Variants in HCK observed in about 807,000 individuals in gnomAD.
The protein encoded by HCK is HCK proto-oncogene, Src family tyrosine kinase, also known as tyrosine-protein kinase HCK.
A neutral mutation model predicts 70.4 loss-of-function variants in HCK; 40 were observed. That is an observed-to-expected ratio of 0.57 (90% CI 0.44 to 0.74). The LOEUF (loss-of-function observed/expected upper bound fraction) is 0.74. Ranked by LOEUF, HCK falls within the 30% of genes least tolerant of loss-of-function variation. The pLI, the probability that HCK is intolerant of heterozygous loss-of-function variation, is 0.00. For missense variants in HCK, 568 were observed against 697.2 expected (o/e 0.81, Z 2.09); for synonymous variants, 245 against 263.2 (o/e 0.93, Z 0.67).
In HCK at chr20:32,092,344, T is replaced by A. The variant is rs984562152; in HGVS notation, c.1093-1519T>A. Among the ~76,000 whole-genome samples, 3 of 152,196 alleles carry A rather than the reference T, an allele frequency of 2.0e-5. No homozygotes were observed. In the South Asian group the frequency reaches 6.2e-4, roughly 32 times the overall value. On this transcript the variant is annotated intron_variant, in intron 10 of 12. Coordinates refer to ENST00000375852, the MANE Select transcript of HCK (RefSeq NM_002110.5). ...TCTGTAAAACAGAGATTATGATCAT[T>A]CCTGCCTCAAAGAGCTCAAGCCCAG...
In HCK at chr20:32,101,835, A is replaced by C; in HGVS notation, c.*316A>C. On this transcript the variant is annotated 3_prime_UTR_variant, in exon 13 of 13. Transcript: ENST00000375852. Reference sequence around the variant, plus strand: ...AATGAATATTTAAATAAAAGATATAAATGCCAAAGTCTTTACCAAAACGTT... The same window carrying C: ...AATGAATATTTAAATAAAAGATATACATGCCAAAGTCTTTACCAAAACGTT... 1 of 243,862 alleles carries C rather than the reference A, an allele frequency of 4.1e-6. No homozygotes were observed. Among genetic ancestry groups the C allele is most frequent in the Admixed American group, 5.3e-5 (1 of 19,044 alleles). 15.1% of individuals were successfully genotyped at this position (243,862 alleles called of 1,614,324 possible).
In HCK at chr20:32,073,802, ATGG is replaced by A; in HGVS notation, c.318_320del (p.Val107del). ...CCTCAGCTTCCAGAAGGGGGACCAGATGGTGGTCCTAGAGGAGTGAGTCCCCAT... is the reference window on the plus strand; with the variant it reads ...CCTCAGCTTCCAGAAGGGGGACCAGATGGTCCTAGAGGAGTGAGTCCCCAT... On this transcript the variant is annotated inframe_deletion, in exon 4 of 13. Coordinates refer to ENST00000375852, the MANE Select transcript of HCK (RefSeq NM_002110.5). 1 of 1,550,362 alleles carries A rather than the reference ATGG, an allele frequency of 6.5e-7. No homozygotes were observed. Among genetic ancestry groups the A allele is most frequent in the Admixed American group, 1.9e-5 (1 of 51,294 alleles).
At position 32,086,794 on chromosome 20, in the gene HCK, G is replaced by A; in HGVS notation, c.1002G>A (p.Glu334=). 6.3e-7 allele frequency: 1 copy of A among 1,582,120 alleles called. No individual in the cohort carries two copies. The highest frequency in any genetic ancestry group is 8.6e-7 in the Non-Finnish European group (1 of 1,163,544). The change falls in exon 9 of 13, where the codon GAG becomes GAA. Residue 334 remains glutamate, a synonymous_variant. Coordinates refer to ENST00000375852, the MANE Select transcript of HCK (RefSeq NM_002110.5). ...AGGAGCCCATCTACATCATCACGGAGTTCATGGCCAAAGGTGCTGCGTGCT... is the reference window on the plus strand; with the variant it reads ...AGGAGCCCATCTACATCATCACGGAATTCATGGCCAAAGGTGCTGCGTGCT...
intron 4 of HCK, among the ~76,000 whole-genome samples, chr20:32,074,044 C>A (rs60000242): frequency 0.1 from 15,919 of 152,224 alleles, 1,209 homozygotes; most frequent in African/African-American, 0.21. Flanking sequence ...GAACAGGTGA[C>A]GCTTTCTCAG....
At chr20:32,085,133 C>T (rs1373397672) in intron 8 of HCK, among the ~76,000 whole-genome samples, 2 of 152,116 alleles carry the variant, frequency 1.3e-5, no homozygotes, top group African/African-American at 2.4e-5. Context: ...CAAATGGGAG[C>T]GAAGACAACT....
In HCK at chr20:32,059,296, C is replaced by CTT. The variant is rs200298183; in HGVS notation, c.62+6810_62+6811insTT. 1.8e-3 allele frequency among the ~76,000 whole-genome samples: 275 copies of CTT among 149,914 alleles called. 2 individuals are homozygous for CTT. Among genetic ancestry groups the CTT allele is most frequent in the South Asian group, 2.6e-3 (12 of 4,692 alleles). ...TGTTTTAATCTTCCTTCCTTCCTTC[C>CTT]CTCCCTCCCTCCTTTCTTTTCTTTT... On this transcript the variant is annotated intron_variant, in intron 1 of 12. Coordinates refer to ENST00000375852, the MANE Select transcript of HCK (RefSeq NM_002110.5).
chr20:32,096,738 G>A (rs571302078), intron 11 of HCK, among the ~76,000 whole-genome samples: 13 of 152,116 alleles, frequency 8.5e-5, no homozygotes, highest in East Asian at 3.9e-4. Flanking sequence ...CTGGACTTAC[G>A]TGATCCTCCT....
At chr20:32,082,365 G>A (rs2045719593) in intron 6 of HCK, among the ~76,000 whole-genome samples, 1 of 152,138 alleles carries the variant, frequency 6.6e-6, no homozygotes, top group African/African-American at 2.4e-5. Context: ...AAACTGGCCA[G>A]GTGAGGTGAC....
chr20:32,076,586 G>T (rs989533827), intron 5 of HCK, among the ~76,000 whole-genome samples: 20 of 152,240 alleles, frequency 1.3e-4, no homozygotes, highest in African/African-American at 4.8e-4. Context: ...CATGAATGGG[G>T]GGTTATCATT....
At chr20:32,092,547 C>T (rs1404783085) in intron 10 of HCK, among the ~76,000 whole-genome samples, 2 of 152,156 alleles carry the variant, frequency 1.3e-5, no homozygotes, top group Non-Finnish European at 2.9e-5. Flanking sequence ...CACTCAGCAG[C>T]CATGGTGATC....
At chr20:32,099,790 C>T (rs575441212) in intron 12 of HCK, among the ~76,000 whole-genome samples, 9 of 152,272 alleles carry the variant, frequency 5.9e-5, no homozygotes, top group South Asian at 2.1e-4. Flanking sequence ...GATGGTGCAG[C>T]GGCATCCTCA....
intron 1 of HCK, among the ~76,000 whole-genome samples, chr20:32,052,786 G>C (rs569319024): frequency 8.5e-5 from 11 of 129,860 alleles, no homozygotes; most frequent in South Asian, 2.2e-4. Context: ...CCTTCTTGGG[G>C]GGGGGCGGGG....
intron 1 of HCK, among the ~76,000 whole-genome samples, chr20:32,053,743 G>A (rs988315791): frequency 6.6e-6 from 1 of 151,454 alleles, no homozygotes; most frequent in Non-Finnish European, 1.5e-5. Flanking sequence ...CTAGACATAT[G>A]GCCCCGTGTT....
rs6058520 is a variant in HCK at position 32,054,898 on chromosome 20, T to C, written c.62+2412T>C. Reference sequence around the variant, plus strand: ...AGAGGAGCATATTTGCCCCATCTTATCATTAAGTTGTCAAAATCTACCCAG... The same window carrying C: ...AGAGGAGCATATTTGCCCCATCTTACCATTAAGTTGTCAAAATCTACCCAG... On this transcript the variant is annotated intron_variant, in intron 1 of 12. Coordinates refer to ENST00000375852, the MANE Select transcript of HCK (RefSeq NM_002110.5). Among the ~76,000 whole-genome samples, 796 of 152,350 alleles carry C rather than the reference T, an allele frequency of 5.2e-3. 3 individuals are homozygous for C. Among genetic ancestry groups the C allele is most frequent in the African/African-American group, 0.018 (767 of 41,584 alleles).
intron 1 of HCK, among the ~76,000 whole-genome samples, chr20:32,057,943 G>A (rs1249881361): frequency 6.6e-6 from 1 of 152,126 alleles, no homozygotes; most frequent in Non-Finnish European, 1.5e-5. Flanking sequence ...CCCCGGCTGT[G>A]GTCCCACATG....
At chr20:32,059,634 C>T (rs547006020) in intron 1 of HCK, among the ~76,000 whole-genome samples, 1 of 152,150 alleles carries the variant, frequency 6.6e-6, no homozygotes, top group Admixed American at 6.6e-5. Flanking sequence ...CCCACCTCAG[C>T]CTCCTGAGTA....
intron 11 of HCK, among the ~76,000 whole-genome samples, chr20:32,097,585 CATAA>C (rs367698836): frequency 2.6e-5 from 4 of 151,412 alleles, no homozygotes; most frequent in Non-Finnish European, 4.4e-5. Context: ...TGTCTCAAAA[CATAA>C]ATAAATAAAT....
intron 10 of HCK, among the ~76,000 whole-genome samples, chr20:32,093,202 C>T (rs2045887436): frequency 6.6e-6 from 1 of 152,202 alleles, no homozygotes; most frequent in Non-Finnish European, 1.5e-5. Flanking sequence ...ACCTCGGCCT[C>T]CCAAAGTGCT....
At chr20:32,056,689 C>G (rs1048313717) in intron 1 of HCK, among the ~76,000 whole-genome samples, 3 of 152,120 alleles carry the variant, frequency 2.0e-5, no homozygotes, top group African/African-American at 7.2e-5. Context: ...CTAATGGGTA[C>G]AGAAAGCACG....
Sources: allele counts gnomAD v4.1 joint callset (sites outside exome capture counted in the v4.1 genomes callset), GRCh38; gene constraint gnomAD v4.1.1; transcripts MANE v1.5; gene names NCBI Gene and HGNC (gene_info 2026-07-23, HGNC 2026-07-21).